The following SUMF1 variants were observed in gnomAD, a reference collection of about 807,000 sequenced individuals.
SUMF1 encodes the protein formylglycine-generating enzyme.
In SUMF1, 48 loss-of-function variants were observed where a neutral mutation model predicts 47.6. The observed-to-expected ratio is 1.01, with a 90% CI of 0.80 to 1.28. The LOEUF (loss-of-function observed/expected upper bound fraction) is 1.28, where lower values mean the gene tolerates loss of function less well. Among genes scored for constraint, SUMF1 ranks in the 50% most tolerant of loss-of-function variants. SUMF1 has a pLI of 0.00. For missense variants in SUMF1, 571 were observed against 485.4 expected (o/e 1.18, Z -1.66); for synonymous variants, 230 against 192.1 (o/e 1.20, Z -1.63).
intron 8 of SUMF1, among the ~76,000 whole-genome samples, chr3:4,226,514 C>T (rs369605106): frequency 6.6e-6 from 1 of 151,904 alleles, no homozygotes; most frequent in African/African-American, 2.4e-5. Flanking sequence ...ATGATTTGCC[C>T]ACCTCGGCCT....
rs535894417 is a variant in SUMF1 at position 4,061,929 on chromosome 3, T to TG, written c.1191+6639dup. 1.5e-3 allele frequency among the ~76,000 whole-genome samples: 224 copies of TG among 152,232 alleles called. 1 individual carries two copies. Among genetic ancestry groups the TG allele is most frequent in the African/African-American group, 5.1e-3 (210 of 41,538 alleles). On this transcript the variant is annotated intron_variant and NMD_transcript_variant, in intron 9 of 12. Coordinates refer to the SUMF1 transcript ENST00000448413. ...TTAAATTAACAACGGGTAATGATGA[T>TG]GCTATAGCCATTTGATACCTGGTCC...
chr3:4,175,341 G>C (rs1015132077), intron 8 of SUMF1, among the ~76,000 whole-genome samples: 1 of 152,184 alleles, frequency 6.6e-6, no homozygotes, highest in South Asian at 2.1e-4. Flanking sequence ...CCAGAGGAAG[G>C]ATCAGGCAGC....
At position 4,234,574 on chromosome 3, in the gene SUMF1, G is replaced by C. The variant is rs540785389; in HGVS notation, c.1014+141756C>G. On this transcript the variant is annotated intron_variant and NMD_transcript_variant, in intron 8 of 12. Transcript: ENST00000448413. ...TATATACAGAACTCACAGCCTAGTAGGATCATTTGTGCAAGCAAGAATTAC... is the reference window on the plus strand; with the variant it reads ...TATATACAGAACTCACAGCCTAGTACGATCATTTGTGCAAGCAAGAATTAC... Among the ~76,000 whole-genome samples the C allele has an allele frequency of 2.1e-3, 325 of 152,172 alleles. 1 individual carries two copies. Among genetic ancestry groups the C allele is most frequent in the South Asian group, 6.4e-3 (31 of 4,830 alleles).
At chr3:4,363,345 T>A (rs1259202053) in intron 8 of SUMF1, among the ~76,000 whole-genome samples, 1 of 152,196 alleles carries the variant, frequency 6.6e-6, no homozygotes, top group African/African-American at 2.4e-5. Context: ...GGGACAACAT[T>A]GCTTTTTAAA....
chr3:4,083,781 A>G (rs1692615746), intron 8 of SUMF1, among the ~76,000 whole-genome samples: 1 of 151,958 alleles, frequency 6.6e-6, no homozygotes. Flanking sequence ...AAACATAAAT[A>G]TTAATCAGAT....
At chr3:4,459,876 C>T (rs1326127028) in intron 1 of SUMF1, among the ~76,000 whole-genome samples, 1 of 152,198 alleles carries the variant, frequency 6.6e-6, no homozygotes, top group African/African-American at 2.4e-5. Context: ...TAAGCCCCTA[C>T]TAATCCTTCT....
chr3:4,256,522 T>A (rs1183299112), intron 8 of SUMF1, among the ~76,000 whole-genome samples: 1 of 144,528 alleles, frequency 6.9e-6, no homozygotes, highest in African/African-American at 2.6e-5. Flanking sequence ...CTAGAAGAAA[T>A]GGATAAATTC....
At chr3:4,213,101 G>A (rs1355409266) in intron 8 of SUMF1, among the ~76,000 whole-genome samples, 5 of 151,974 alleles carry the variant, frequency 3.3e-5, no homozygotes, top group African/African-American at 7.3e-5. Context: ...ACCCCAAGAC[G>A]CATAATCATC....
At chr3:4,201,056 T>A (rs530784082) in intron 8 of SUMF1, among the ~76,000 whole-genome samples, 2 of 152,256 alleles carry the variant, frequency 1.3e-5, no homozygotes, top group South Asian at 2.1e-4. Context: ...GATATATTGG[T>A]ATAGGCATAC....
chr3:4,110,967 C>T (rs935649648), intron 8 of SUMF1, among the ~76,000 whole-genome samples: 1 of 149,648 alleles, frequency 6.7e-6, no homozygotes, highest in African/African-American at 2.5e-5. Context: ...ATGTTGTGCA[C>T]ATGTACCCTA....
chr3:4,164,895 C>A (rs192465812), intron 8 of SUMF1, among the ~76,000 whole-genome samples: 25 of 152,142 alleles, frequency 1.6e-4, no homozygotes, highest in Non-Finnish European at 4.4e-5. Context: ...CCCATAGCCA[C>A]TCGAGGAAGG....
At chr3:4,233,794 T>C (rs1352088022) in intron 8 of SUMF1, among the ~76,000 whole-genome samples, 11 of 152,038 alleles carry the variant, frequency 7.2e-5, no homozygotes, top group Non-Finnish European at 1.6e-4. Flanking sequence ...TAAATAAGCT[T>C]CAGAAAAAAG....
intron 8 of SUMF1, among the ~76,000 whole-genome samples, chr3:4,078,061 TG>T (rs1220855250): frequency 6.6e-6 from 1 of 152,112 alleles, no homozygotes; most frequent in Non-Finnish European, 1.5e-5. Context: ...CCAGCCCTGT[TG>T]GCAAGAGCGC....
At chr3:4,105,226 G>A (rs1488428861) in intron 8 of SUMF1, among the ~76,000 whole-genome samples, 2 of 152,050 alleles carry the variant, frequency 1.3e-5, no homozygotes, top group Non-Finnish European at 2.9e-5. Flanking sequence ...CCAGGGTCTG[G>A]GAGGGTAGAA....
chr3:4,419,999 C>T, intron 4 of SUMF1, 65 bp downstream of exon 4: 2 of 1,395,268 alleles, frequency 1.4e-6, no homozygotes, highest in African/African-American at 1.4e-5. Flanking sequence ...AGTTCTTTTG[C>T]AAGAGCAAAG....
intron 8 of SUMF1, among the ~76,000 whole-genome samples, chr3:4,319,647 T>C (rs1484450329): frequency 6.6e-6 from 1 of 152,234 alleles, no homozygotes; most frequent in Non-Finnish European, 1.5e-5. Context: ...ATGGGACAGT[T>C]GGAACAGTTT....
chr3:4,051,336 C>T (rs1380299338), intron 9 of SUMF1, among the ~76,000 whole-genome samples: 1 of 152,034 alleles, frequency 6.6e-6, no homozygotes, highest in Non-Finnish European at 1.5e-5. Flanking sequence ...TTGTACATTC[C>T]TACGTTCTTT....
intron 8 of SUMF1, among the ~76,000 whole-genome samples, chr3:4,353,815 T>A (rs958750274): frequency 6.6e-6 from 1 of 152,048 alleles, no homozygotes; most frequent in Non-Finnish European, 1.5e-5. Flanking sequence ...GTCTGCCACA[T>A]CCTGAACCCT....
chr3:4,209,127 G>C (rs1559567357), intron 8 of SUMF1, among the ~76,000 whole-genome samples: 2 of 151,960 alleles, frequency 1.3e-5, no homozygotes, highest in Admixed American at 6.6e-5. Context: ...CCACTTTATG[G>C]GATATTATCC....
Sources: gnomAD v4.1 joint callset for allele counts (sites outside exome capture counted in the v4.1 genomes callset) on GRCh38, gnomAD v4.1.1 for gene constraint, MANE v1.5 for transcripts, NCBI Gene and HGNC (gene_info 2026-07-23, HGNC 2026-07-21) for gene names.